CEP85L: variants seen among roughly 807,000 people sequenced by gnomAD.
CEP85L encodes the protein centrosomal protein 85L.
CEP85L carries 60 observed loss-of-function variants against 100.3 expected under a neutral mutation model. The observed-to-expected ratio is 0.60, with a 90% CI of 0.49 to 0.74. The LOEUF (loss-of-function observed/expected upper bound fraction) is 0.74, where lower values mean the gene tolerates loss of function less well. CEP85L is among the 30% of genes least tolerant of loss of function. The pLI is 0.00. For missense variants in CEP85L, 973 were observed against 936.2 expected, an observed-to-expected ratio of 1.04 and a Z score of -0.51; for synonymous variants, 319 against 322.7, an observed-to-expected ratio of 0.99 and a Z score of 0.12.
chr6:118,683,368 A>G (rs1208153018), intron 1 of CEP85L, among the ~76,000 whole-genome samples: 1 of 152,184 alleles, frequency 6.6e-6, no homozygotes, highest in Non-Finnish European at 1.5e-5. Flanking sequence ...TTGAATGTTT[A>G]TATGGAAAGA....
chr6:118,600,461 T>C (rs1315595884), intron 2 of CEP85L, among the ~76,000 whole-genome samples: 2 of 151,414 alleles, frequency 1.3e-5, no homozygotes, highest in Non-Finnish European at 2.9e-5. Context: ...TAGGTGGGAC[T>C]CAGGCACTTG....
chr6:118,682,771 GCACACACACACACA>G (rs201043236), intron 1 of CEP85L, among the ~76,000 whole-genome samples: 1 of 138,174 alleles, frequency 7.2e-6, no homozygotes. Flanking sequence ...GCCTGAGCAT[GCACACACACACACA>G]CACACACACA....
chr6:118,559,143 C>G, intron 3 of CEP85L: 1 of 1,224,034 alleles, frequency 8.2e-7, no homozygotes, highest in South Asian at 1.2e-5. Context: ...TCATCCCATG[C>G]AGACAGGAAA....
intron 2 of CEP85L, among the ~76,000 whole-genome samples, chr6:118,630,953 A>G (rs1031755644): frequency 1.3e-5 from 2 of 152,204 alleles, no homozygotes; most frequent in African/African-American, 4.8e-5. Context: ...ATGCACCTGA[A>G]TCATCCCAAA....
Position 118,523,862 on chromosome 6 carries a change from C to A in CEP85L, c.1079G>T (p.Trp360Leu), listed in dbSNP as rs923185928. 2 of 1,609,792 alleles carry A rather than the reference C, an allele frequency of 1.2e-6. No individual in the cohort carries two copies. The highest frequency in any genetic ancestry group is 2.7e-5 in the African/African-American group (2 of 74,780). Reference sequence around the variant, plus strand: ...TTCTTTTATTTTCAACATTGATTCCCACTTACTGAAATCCTGATAGCCAGG... The same window carrying A: ...TTCTTTTATTTTCAACATTGATTCCAACTTACTGAAATCCTGATAGCCAGG... The part of the protein sequence containing the change: ...YSPGYQDFSK[W>L]ESMLKIKEGL... The change falls in exon 4 of 13, where the codon TGG becomes TTG. Residue 360 changes from tryptophan to leucine, a missense_variant. Transcript: ENST00000368491.
intron 6 of CEP85L, among the ~76,000 whole-genome samples, chr6:118,489,445 T>C (rs1774406920): frequency 6.6e-6 from 1 of 152,132 alleles, no homozygotes; most frequent in Non-Finnish European, 1.5e-5. Flanking sequence ...AGTTGTCCCT[T>C]GGTATATGAA....
chr6:118,622,417 C>T (rs781742301), intron 2 of CEP85L, among the ~76,000 whole-genome samples: 49 of 152,188 alleles, frequency 3.2e-4, no homozygotes, highest in African/African-American at 4.8e-4. Flanking sequence ...AGACTTATGC[C>T]GCCTGGGAGG....
chr6:118,640,385 AC>A (rs1774784576), intron 1 of CEP85L, among the ~76,000 whole-genome samples: 1 of 152,104 alleles, frequency 6.6e-6, no homozygotes, highest in African/African-American at 2.4e-5. Flanking sequence ...AGTTCATTCT[AC>A]CTCTTATTAG....
chr6:118,464,244 G>A lies in CEP85L; in HGVS notation c.*1161C>T, dbSNP rs1386614524. The A allele has an allele frequency of 2.0e-5, 3 of 152,140 alleles. No homozygotes were observed. The highest frequency in any genetic ancestry group is 4.4e-5 in the Non-Finnish European group (3 of 67,994). 9.4% of individuals were successfully genotyped at this position (152,140 alleles called of 1,614,324 possible). A position where few individuals can be genotyped will look rare whatever the true frequency, so the allele number is the denominator to read the frequency against. ...CATTTGGAAGTTTAAATGACTGTAC[G>A]TCTACTGCAAAATCAACTGCATTTC... On this transcript the variant is annotated 3_prime_UTR_variant, in exon 13 of 13. Coordinates refer to ENST00000368491, the MANE Select transcript of CEP85L (RefSeq NM_001042475.3).
intron 4 of CEP85L, among the ~76,000 whole-genome samples, chr6:118,520,494 A>G (rs1030625243): frequency 6.6e-6 from 1 of 152,252 alleles, no homozygotes; most frequent in African/African-American, 2.4e-5. Context: ...TGATTAAATT[A>G]GAGCAATTAG....
In CEP85L at chr6:118,465,489, C is replaced by T; in HGVS notation, c.2334G>A (p.Gln778=). The change falls in exon 13 of 13, where the codon CAG becomes CAA. Residue 778 remains glutamine (Q), a synonymous_variant. Transcript: ENST00000368491. ...TLTKKLSDVC[Q]LRRDIDELRT... is the part of the protein sequence containing the mutation. ...TTAATTCATCAATGTCTCTTCGTAACTGGCACACATCTGACAGCTTTTTAG... is the reference window on the plus strand; with the variant it reads ...TTAATTCATCAATGTCTCTTCGTAATTGGCACACATCTGACAGCTTTTTAG... 6.2e-7 allele frequency: 1 copy of T among 1,613,712 alleles called. No homozygotes were observed. Among genetic ancestry groups the T allele is most frequent in the Non-Finnish European group, 8.5e-7 (1 of 1,179,692 alleles).
At chr6:118,589,155 C>G in intron 2 of CEP85L, 1 of 270,246 alleles carries the variant, frequency 3.7e-6, no homozygotes, top group Admixed American at 3.8e-5. Context: ...AATGATATTG[C>G]CAGATACTTA....
chr6:118,553,002 T>C (rs1349223406), intron 3 of CEP85L, among the ~76,000 whole-genome samples: 2 of 152,064 alleles, frequency 1.3e-5, no homozygotes, highest in Admixed American at 1.3e-4. Context: ...CCAATTTATA[T>C]ATATTGTCAT....
chr6:118,651,672 G>C, upstream of CEP85L: 1 of 982,394 alleles, frequency 1.0e-6, no homozygotes, highest in South Asian at 4.8e-5. Context: ...TCAGGCGTGC[G>C]CGGCGCCGCG....
At chr6:118,601,887 T>C (rs1430065576) in intron 2 of CEP85L, among the ~76,000 whole-genome samples, 1 of 152,198 alleles carries the variant, frequency 6.6e-6, no homozygotes, top group Non-Finnish European at 1.5e-5. Context: ...ACATGTTTTA[T>C]CAGCAAGGTC....
At chr6:118,668,979 T>G (rs891592764) in intron 1 of CEP85L, among the ~76,000 whole-genome samples, 6 of 152,218 alleles carry the variant, frequency 3.9e-5, no homozygotes, top group African/African-American at 1.4e-4. Flanking sequence ...GAGAGCTGAT[T>G]TGCAGAAGTA....
intron 1 of CEP85L, among the ~76,000 whole-genome samples, chr6:118,635,260 G>T (rs1774421805): frequency 6.6e-6 from 1 of 152,070 alleles, no homozygotes; most frequent in African/African-American, 2.4e-5. Flanking sequence ...ATGTTTAAGT[G>T]CTAAAAATGA....
At chr6:118,471,837 T>C (rs1452234299) in intron 10 of CEP85L, among the ~76,000 whole-genome samples, 1 of 151,584 alleles carries the variant, frequency 6.6e-6, no homozygotes, top group Non-Finnish European at 1.5e-5. Context: ...TGAAATTTCC[T>C]TTGTAACTTC....
rs764117590 is a variant in CEP85L, at chr6:118,491,782, C to G, written c.1341G>C (p.Lys447Asn). 1.9e-6 allele frequency: 3 copies of G among 1,612,858 alleles called. No homozygotes were observed. The highest frequency in any genetic ancestry group is 2.7e-5 in the African/African-American group (2 of 74,870). Reference protein sequence around the residue: ...SHSQQGEFEQKLASTEKEVLQ... With the variant: ...SHSQQGEFEQNLASTEKEVLQ... ...AAACTTCTTTCTCAGTAGATGCAAG[C>G]TTTTGCTCAAATTCCCCTTGTTGGG... The change falls in exon 6 of 13, where the codon AAG (lysine) becomes AAC (asparagine). Residue 447 changes from lysine (K) to asparagine (N), a missense_variant. Lys to Asn is a moderately conservative substitution (Grantham distance 94). Transcript: ENST00000368491.
Sources: allele counts gnomAD v4.1 joint callset (sites outside exome capture counted in the v4.1 genomes callset), GRCh38; gene constraint gnomAD v4.1.1; transcripts MANE v1.5; gene names NCBI Gene and HGNC (gene_info 2026-07-23, HGNC 2026-07-21).